APBA1: variants seen among roughly 807,000 people sequenced by gnomAD.
APBA1 encodes the protein amyloid beta precursor protein binding family A member 1.
A neutral mutation model predicts 86.6 loss-of-function variants in APBA1; 55 were observed. The ratio of observed to expected loss-of-function variants is 0.64; its 90% CI spans 0.51 to 0.80. The LOEUF is 0.80. Among genes scored for constraint, APBA1 ranks in the 30% least tolerant of loss-of-function variants. APBA1 has a pLI of 0.00. For missense variants in APBA1, 1,090 were observed against 1,183.0 expected (o/e 0.92, Z 1.15); for synonymous variants, 511 against 493.9 (o/e 1.03, Z -0.46).
Position 69,427,878 on chromosome 9 carries a change from TCACCC to T in APBA1, c.*3444_*3448del. The stretch of plus-strand genomic sequence containing the variant: ...CCGACACTTTACAATAAGCTCTATT[TCACCC>T]TCTTTACAGAACAATAGTACAAGTT... On this transcript the variant is annotated 3_prime_UTR_variant, in exon 13 of 13. Transcript: ENST00000265381. The T allele has an allele frequency of 6.6e-6, 1 of 152,368 alleles. No homozygotes were observed. The highest frequency in any genetic ancestry group is 6.5e-5 in the Admixed American group (1 of 15,300). 9.4% of individuals were successfully genotyped at this position (152,368 alleles called of 1,614,324 possible). A position where few individuals can be genotyped will look rare whatever the true frequency, so the allele number is the denominator to read the frequency against.
At chr9:69,632,856 G>GA (rs1823076555) in intron 1 of APBA1, among the ~76,000 whole-genome samples, 1 of 152,136 alleles carries the variant, frequency 6.6e-6, no homozygotes, top group African/African-American at 2.4e-5. Context: ...ATGATATTCT[G>GA]TATCATTGGG....
chr9:69,653,321 T>C (rs1036236592), intron 1 of APBA1, among the ~76,000 whole-genome samples: 3 of 152,138 alleles, frequency 2.0e-5, no homozygotes, highest in Non-Finnish European at 4.4e-5. Flanking sequence ...CAAATATTCA[T>C]AGACCTAAAG....
intron 1 of APBA1, among the ~76,000 whole-genome samples, chr9:69,582,385 T>C (rs1379256022): frequency 6.6e-6 from 1 of 152,144 alleles, no homozygotes; most frequent in Non-Finnish European, 1.5e-5. Flanking sequence ...GGTCGCTTTC[T>C]CCACCCTGGA....
intron 5 of APBA1, chr9:69,462,025 A>G (rs1471815082): frequency 1.3e-5 from 2 of 152,248 alleles, no homozygotes; most frequent in Admixed American, 1.3e-4. Flanking sequence ...GAATGAAAAA[A>G]ATCTGATCTT....
At chr9:69,495,800 A>G (rs1835785043) in intron 2 of APBA1, among the ~76,000 whole-genome samples, 1 of 152,064 alleles carries the variant, frequency 6.6e-6, no homozygotes, top group Admixed American at 6.6e-5. Context: ...GAGTTGGGGG[A>G]AAAGAGGCTC....
In APBA1 at chr9:69,657,137, G is replaced by A. The variant is rs1026900334; in HGVS notation, c.-70+15016C>T. On this transcript the variant is annotated intron_variant, in intron 1 of 12. Transcript: ENST00000265381. ...TGGGATTACAGGCGTGAGCCACCGC[G>A]CCCGGCCTAACCGGGAGATCTAAGA... Among the ~76,000 whole-genome samples the A allele has an allele frequency of 3.9e-5, 6 of 152,222 alleles. No individual in the cohort carries two copies. In the East Asian group the frequency reaches 7.7e-4, roughly 20 times the overall value.
At chr9:69,435,417 TAA>T (rs1337722206) in intron 11 of APBA1, among the ~76,000 whole-genome samples, 4 of 152,030 alleles carry the variant, frequency 2.6e-5, no homozygotes, top group African/African-American at 7.3e-5. Flanking sequence ...ACCAACAGTG[TAA>T]AAGTGTTCGT....
intron 1 of APBA1, among the ~76,000 whole-genome samples, chr9:69,560,214 A>T (rs1836927508): frequency 1.3e-5 from 2 of 152,114 alleles, no homozygotes; most frequent in Non-Finnish European, 2.9e-5. Flanking sequence ...TTCTTTTTTC[A>T]TACTTTGGTG....
intron 1 of APBA1, among the ~76,000 whole-genome samples, chr9:69,543,291 C>T (rs76858717): frequency 0.4 from 57,988 of 143,918 alleles, 13,018 homozygotes; most frequent in Middle Eastern, 0.52. Flanking sequence ...CCCCCCCCCC[C>T]GGCCTGTCCT....
chr9:69,563,907 A>C (rs1387596048), intron 1 of APBA1, among the ~76,000 whole-genome samples: 1 of 152,174 alleles, frequency 6.6e-6, no homozygotes, highest in Non-Finnish European at 1.5e-5. Flanking sequence ...CCACTTTGAA[A>C]ACAGTGCAGT....
intron 2 of APBA1, among the ~76,000 whole-genome samples, chr9:69,490,266 T>C (rs1041907978): frequency 1.8e-4 from 27 of 151,956 alleles, no homozygotes; most frequent in African/African-American, 4.3e-4. Context: ...TAGGTGGGAA[T>C]TGAACAATGA....
chr9:69,528,917 TGTA>T (rs1476119410), intron 1 of APBA1, among the ~76,000 whole-genome samples: 1 of 151,896 alleles, frequency 6.6e-6, no homozygotes, highest in Non-Finnish European at 1.5e-5. Context: ...TTCATTAAAA[TGTA>T]GTCTTTTTTT....
chr9:69,516,802 G>A lies in APBA1; in HGVS notation c.409C>T (p.His137Tyr). The change falls in exon 2 of 13, where the codon CAC becomes TAC. Residue 137 changes from histidine (H) to tyrosine (Y), a missense_variant. His to Tyr is a moderately conservative substitution (Grantham distance 83). This residue lies in a region of APBA1 where 678 missense variants were observed against 647.1 expected (regional missense o/e 1.05). Coordinates refer to ENST00000265381, the MANE Select transcript of APBA1 (RefSeq NM_001163.4). The surrounding 1 kb of genome is among the most constrained non-coding windows in gnomAD (Gnocchi z 7.3). ...GCGCGGCGGTGCGTGGCCTCGGCGT[G>A]CTCGGCCTCTGCCTGCTCCGTGTAC... ...EEYTEQAEAEHAEATHRRALP... is the reference protein window; with the variant it reads ...EEYTEQAEAEYAEATHRRALP... 6.2e-7 allele frequency: 1 copy of A among 1,609,026 alleles called. No homozygotes were observed. The highest frequency in any genetic ancestry group is 8.5e-7 in the Non-Finnish European group (1 of 1,179,400).
At chr9:69,635,727 C>T (rs1228641923) in intron 1 of APBA1, among the ~76,000 whole-genome samples, 1 of 151,972 alleles carries the variant, frequency 6.6e-6, no homozygotes, top group Non-Finnish European at 1.5e-5. Flanking sequence ...TATTTCAAGA[C>T]AAAAACTGTA....
intron 1 of APBA1, among the ~76,000 whole-genome samples, chr9:69,549,626 A>C (rs1409843122): frequency 1.3e-5 from 2 of 152,212 alleles, no homozygotes; most frequent in African/African-American, 2.4e-5. Flanking sequence ...GTGGTAAAAG[A>C]GGGTAACTGC....
At chr9:69,574,568 T>C (rs1821741001) in intron 1 of APBA1, among the ~76,000 whole-genome samples, 2 of 152,356 alleles carry the variant, frequency 1.3e-5, no homozygotes, top group South Asian at 4.1e-4. Context: ...GTGAGGTTTC[T>C]AGGGAACAAA....
intron 1 of APBA1, among the ~76,000 whole-genome samples, chr9:69,656,771 A>G (rs1402472466): frequency 6.6e-6 from 1 of 151,884 alleles, no homozygotes; most frequent in Non-Finnish European, 1.5e-5. Context: ...TGAGTTATTT[A>G]TTATCACATT....
intron 9 of APBA1, among the ~76,000 whole-genome samples, 184 bp from the exon 10 acceptor site, chr9:69,449,980 C>A (rs1588290617): frequency 6.6e-6 from 1 of 151,276 alleles, no homozygotes; most frequent in Non-Finnish European, 1.5e-5. Context: ...TGAATTCACA[C>A]AGGTCTACAC....
chr9:69,456,999 T>G, intron 7 of APBA1, 54 bp downstream of exon 7: 39 of 1,453,730 alleles, frequency 2.7e-5, no homozygotes, highest in African/African-American at 4.2e-5. Flanking sequence ...CATGCATCTC[T>G]GAGTTACGAT....
Sources: allele counts gnomAD v4.1 joint callset (sites outside exome capture counted in the v4.1 genomes callset), GRCh38; gene constraint gnomAD v4.1.1; regional missense constraint gnomAD v4.1.1; non-coding constraint Gnocchi (gnomAD v3.1); transcripts MANE v1.5; gene names NCBI Gene and HGNC (gene_info 2026-07-23, HGNC 2026-07-21).